Variants in CNTNAP2 observed in about 807,000 individuals in gnomAD.
CNTNAP2 encodes the protein contactin associated protein 2.
A neutral mutation model predicts 155.2 loss-of-function variants in CNTNAP2; 98 were observed. That is an observed-to-expected ratio of 0.63 (90% CI 0.54 to 0.75). CNTNAP2 has a LOEUF of 0.75. Ranked by LOEUF, CNTNAP2 falls within the 30% of genes least tolerant of loss-of-function variation. The pLI, the probability that CNTNAP2 is intolerant of heterozygous loss-of-function variation, is 0.00. For synonymous variants in CNTNAP2, 651 were observed against 631.2 expected, an observed-to-expected ratio of 1.03 and a Z score of -0.47; for missense variants, 1,727 against 1,688.1, an observed-to-expected ratio of 1.02 and a Z score of -0.40.
chr7:146,860,725 ATT>A (rs1795081822), intron 3 of CNTNAP2, among the ~76,000 whole-genome samples: 1 of 152,126 alleles, frequency 6.6e-6, no homozygotes, highest in Non-Finnish European at 1.5e-5. Context: ...TTATCAAATG[ATT>A]GAAAAAAAAT....
At chr7:147,413,220 G>A (rs1366586741) in intron 10 of CNTNAP2, among the ~76,000 whole-genome samples, 1 of 152,156 alleles carries the variant, frequency 6.6e-6, no homozygotes, top group Non-Finnish European at 1.5e-5. Flanking sequence ...GAAAACAGCT[G>A]GTTTCTATCG....
At chr7:147,027,612 T>C (rs1361734978) in intron 3 of CNTNAP2, among the ~76,000 whole-genome samples, 1 of 152,220 alleles carries the variant, frequency 6.6e-6, no homozygotes, top group Non-Finnish European at 1.5e-5. Context: ...TCTCACAGAC[T>C]GAGATTTTCA....
chr7:147,799,314 C>T (rs1369693986), intron 13 of CNTNAP2, among the ~76,000 whole-genome samples: 1 of 152,028 alleles, frequency 6.6e-6, no homozygotes, highest in African/African-American at 2.4e-5. Flanking sequence ...GAGGGGAAAG[C>T]ACACTAGTTT....
At chr7:147,011,333 G>C in intron 3 of CNTNAP2, among the ~76,000 whole-genome samples, 1 of 144,430 alleles carries the variant, frequency 6.9e-6, no homozygotes, top group Non-Finnish European at 1.5e-5. Context: ...AGAATCACTT[G>C]AACCTGGGAG....
chr7:146,146,541 T>A (rs1438759251), intron 1 of CNTNAP2, among the ~76,000 whole-genome samples: 1 of 151,968 alleles, frequency 6.6e-6, no homozygotes, highest in East Asian at 1.9e-4. Context: ...TGCAAAGGGA[T>A]TTGTTCTCTT....
At chr7:147,649,860 A>G (rs985145541) in intron 13 of CNTNAP2, among the ~76,000 whole-genome samples, 4 of 150,526 alleles carry the variant, frequency 2.7e-5, no homozygotes, top group African/African-American at 9.6e-5. Context: ...TTCTAAAAAG[A>G]TTGGATAGAT....
intron 12 of CNTNAP2, among the ~76,000 whole-genome samples, chr7:147,563,361 T>C (rs1800101654): frequency 6.6e-6 from 1 of 152,094 alleles, no homozygotes; most frequent in Admixed American, 6.6e-5. Flanking sequence ...CCAGGTGTGG[T>C]GGTTCACGCC....
intron 20 of CNTNAP2, among the ~76,000 whole-genome samples, chr7:148,260,730 C>A (rs1236104389): frequency 6.6e-6 from 1 of 152,148 alleles, no homozygotes; most frequent in African/African-American, 2.4e-5. Flanking sequence ...GGTGTCTGAC[C>A]GTAATGGAGG....
chr7:147,069,758 A>C (rs960558894), intron 4 of CNTNAP2, among the ~76,000 whole-genome samples: 1 of 152,200 alleles, frequency 6.6e-6, no homozygotes, highest in Non-Finnish European at 1.5e-5. Flanking sequence ...TAGTAGGTAG[A>C]GTTGTCCAAT....
At chr7:146,329,476 CA>C (rs1353078802) in intron 1 of CNTNAP2, among the ~76,000 whole-genome samples, 1 of 152,116 alleles carries the variant, frequency 6.6e-6, no homozygotes, top group African/African-American at 2.4e-5. Context: ...TCATCTTACT[CA>C]TTTTTTAAAA....
At chr7:146,540,581 C>G (rs1797935667) in intron 1 of CNTNAP2, among the ~76,000 whole-genome samples, 1 of 151,976 alleles carries the variant, frequency 6.6e-6, no homozygotes, top group African/African-American at 2.4e-5. Flanking sequence ...CATTTTATTT[C>G]TTTTCTGGCC....
At chr7:147,064,594 C>A (rs1281270986) in intron 4 of CNTNAP2, among the ~76,000 whole-genome samples, 1 of 152,154 alleles carries the variant, frequency 6.6e-6, no homozygotes, top group Non-Finnish European at 1.5e-5. Context: ...CCTTTCTTTC[C>A]TCCCATTTCT....
chr7:147,297,246 T>C (rs2116762169), intron 8 of CNTNAP2, among the ~76,000 whole-genome samples: 1 of 152,314 alleles, frequency 6.6e-6, no homozygotes, highest in African/African-American at 2.4e-5. Flanking sequence ...GCCAGATTCC[T>C]GGTCATGATC....
At chr7:147,184,555 G>T (rs1441001379) in intron 8 of CNTNAP2, among the ~76,000 whole-genome samples, 1 of 152,264 alleles carries the variant, frequency 6.6e-6, no homozygotes, top group Non-Finnish European at 1.5e-5. Context: ...TGAAAACACA[G>T]CCCACACCAG....
At chr7:146,809,584 G>A (rs1326538028) in intron 2 of CNTNAP2, among the ~76,000 whole-genome samples, 3 of 151,682 alleles carry the variant, frequency 2.0e-5, no homozygotes, top group Admixed American at 6.6e-5. Context: ...GGCTGGTCTC[G>A]AACTCCTGAC....
intron 12 of CNTNAP2, among the ~76,000 whole-genome samples, chr7:147,631,259 AG>A (rs1281850127): frequency 6.6e-6 from 1 of 152,158 alleles, no homozygotes; most frequent in Non-Finnish European, 1.5e-5. Flanking sequence ...TAAAATACTT[AG>A]GACTATACCT....
At chr7:146,909,298 T>C (rs1161505280) in intron 3 of CNTNAP2, among the ~76,000 whole-genome samples, 2 of 134,438 alleles carry the variant, frequency 1.5e-5, no homozygotes, top group Non-Finnish European at 3.2e-5. Flanking sequence ...CCCTAACTCA[T>C]TTTATGAGGC....
At chr7:147,509,395 A>G (rs1035414396) in intron 11 of CNTNAP2, among the ~76,000 whole-genome samples, 4 of 152,214 alleles carry the variant, frequency 2.6e-5, no homozygotes, top group African/African-American at 9.6e-5. Flanking sequence ...TTGTCATATA[A>G]TGAATGGAAA....
intron 1 of CNTNAP2, among the ~76,000 whole-genome samples, chr7:146,718,841 T>C (rs1801236826): frequency 6.6e-6 from 1 of 152,080 alleles, no homozygotes; most frequent in South Asian, 2.1e-4. Flanking sequence ...CTTTGACAGT[T>C]TTTTATTTGA....
Sources: allele counts gnomAD v4.1 joint callset (sites outside exome capture counted in the v4.1 genomes callset), GRCh38; gene constraint gnomAD v4.1.1; transcripts MANE v1.5; gene names NCBI Gene and HGNC (gene_info 2026-07-23, HGNC 2026-07-21).